The following TBL1X variants were observed in gnomAD, a reference collection of about 807,000 sequenced individuals.
TBL1X encodes the protein F-box-like/WD repeat-containing protein TBL1X.
TBL1X carries 10 observed loss-of-function variants against 50.7 expected under a neutral mutation model. The ratio of observed to expected loss-of-function variants is 0.20; its 90% CI spans 0.12 to 0.33. The LOEUF (loss-of-function observed/expected upper bound fraction) is 0.33. Among genes scored for constraint, TBL1X ranks in the 10% least tolerant of loss-of-function variants. TBL1X has a pLI of 1.00. For synonymous variants in TBL1X, 190 were observed against 214.7 expected, an observed-to-expected ratio of 0.88 and a Z score of 1.01; for missense variants, 340 against 504.4, an observed-to-expected ratio of 0.67 and a Z score of 3.12.
chrX:9,538,618 G>A (rs934845490), intron 2 of TBL1X, among the ~76,000 whole-genome samples: 3 of 112,114 alleles, frequency 2.7e-5, no homozygotes, highest in African/African-American at 6.5e-5. Context: ...ATACTTCCTC[G>A]CTTGTAAAAC....
chrX:9,709,962 C>T (rs990113498), intron 15 of TBL1X, among the ~76,000 whole-genome samples: 3 of 112,591 alleles, frequency 2.7e-5, no homozygotes, highest in Non-Finnish European at 5.6e-5. Context: ...CAGTGGCTTA[C>T]GCCTATAATC....
At chrX:9,509,899 G>C (rs973978157) in intron 2 of TBL1X, among the ~76,000 whole-genome samples, 4 of 111,135 alleles carry the variant, frequency 3.6e-5, no homozygotes, top group Non-Finnish European at 7.5e-5. Flanking sequence ...ACTGTTGGCT[G>C]TGTGTGTGGA....
intron 16 of TBL1X, among the ~76,000 whole-genome samples, chrX:9,712,175 G>A (rs1342030826): frequency 8.9e-6 from 1 of 112,719 alleles, no homozygotes; most frequent in Admixed American, 9.3e-5. Flanking sequence ...TAGATACTGA[G>A]GTTAGAAGGT....
At chrX:9,673,933 G>A (rs951185558) in intron 5 of TBL1X, among the ~76,000 whole-genome samples, 1 of 112,010 alleles carries the variant, frequency 8.9e-6, no homozygotes, top group Non-Finnish European at 1.9e-5. Flanking sequence ...GGGCATAGTG[G>A]TGCATGCCTG....
chrX:9,636,939 G>T (rs2082750837), intron 2 of TBL1X: 1 of 112,231 alleles, frequency 8.9e-6, no homozygotes, highest in Admixed American at 9.4e-5. Flanking sequence ...CATTTGGCTG[G>T]ACCTTTGTAA....
chrX:9,466,001 T>C (rs1046809881), intron 1 of TBL1X, among the ~76,000 whole-genome samples: 10 of 113,104 alleles, frequency 8.8e-5, no homozygotes, highest in African/African-American at 2.9e-4. Flanking sequence ...GGGCCCCGTG[T>C]CTGCTCAGTT....
chrX:9,670,056 G>A (rs1384400113), intron 5 of TBL1X, among the ~76,000 whole-genome samples: 19 of 111,533 alleles, frequency 1.7e-4, no homozygotes, highest in Non-Finnish European at 2.8e-4. Flanking sequence ...CTAATGAAAG[G>A]CTACCAAATT....
At chrX:9,676,364 G>A (rs184989099) in intron 5 of TBL1X, among the ~76,000 whole-genome samples, 2 of 112,025 alleles carry the variant, frequency 1.8e-5, no homozygotes, top group Admixed American at 9.4e-5. Flanking sequence ...GTCCTAGCCC[G>A]CCATTGCCCT....
At chrX:9,596,368 A>T (rs974747158) in intron 2 of TBL1X, among the ~76,000 whole-genome samples, 3 of 112,158 alleles carry the variant, frequency 2.7e-5, no homozygotes, top group African/African-American at 6.5e-5. Flanking sequence ...GGGGTCAGCA[A>T]AATTGGCCAT....
intron 2 of TBL1X, among the ~76,000 whole-genome samples, chrX:9,594,499 G>A (rs1386074757): frequency 4.5e-5 from 5 of 111,862 alleles, no homozygotes; most frequent in Non-Finnish European, 9.4e-5. Context: ...GCTCCCTCCC[G>A]TCTTGGTTTT....
chrX:9,655,730 G>A (rs1569088365), intron 5 of TBL1X, among the ~76,000 whole-genome samples: 1 of 112,033 alleles, frequency 8.9e-6, no homozygotes, highest in African/African-American at 3.2e-5. Context: ...GCATGTATTC[G>A]ATTGGAGGGA....
rs1390970870 is a variant in TBL1X, at chrX:9,719,532, C to T, written c.*3286C>T. ...GTTTTTATTGTCTGTGTCAGACGTA[C>T]AGCCAGACATGTTCTCTATTGGCAT... On this transcript the variant is annotated 3_prime_UTR_variant, in exon 18 of 18. Coordinates refer to ENST00000645353, the MANE Select transcript of TBL1X (RefSeq NM_005647.4). 1 of 111,510 alleles carries T rather than the reference C, an allele frequency of 9.0e-6. No homozygotes were observed. Among genetic ancestry groups the T allele is most frequent in the East Asian group, 2.8e-4 (1 of 3,563 alleles). 9.2% of individuals were successfully genotyped at this position (111,510 alleles called of 1,213,427 possible). A position where few individuals can be genotyped will look rare whatever the true frequency, so the allele number is the denominator to read the frequency against.
At chrX:9,488,614 C>T (rs191133426) in intron 1 of TBL1X, among the ~76,000 whole-genome samples, 7 of 111,957 alleles carry the variant, frequency 6.3e-5, no homozygotes, top group Non-Finnish European at 1.1e-4. Context: ...AACATATTCT[C>T]AGGTCCCAGG....
At chrX:9,467,033 TTCTC>T (rs754757248) in intron 1 of TBL1X, among the ~76,000 whole-genome samples, 12 of 112,153 alleles carry the variant, frequency 1.1e-4, no homozygotes, top group East Asian at 2.8e-4. Context: ...CTCAGAGAAC[TTCTC>T]TCTGTCAGTG....
chrX:9,653,967 C>T (rs1012760273), intron 4 of TBL1X, among the ~76,000 whole-genome samples: 17 of 111,631 alleles, frequency 1.5e-4, no homozygotes, highest in African/African-American at 4.9e-4. Flanking sequence ...GGTTTTTGCT[C>T]AATTCTTCCC....
At position 9,709,295 on chromosome X, in the gene TBL1X, A is replaced by G. The variant is rs375674907; in HGVS notation, c.1284A>G (p.Ala428=). ...GGGATCCGTCTGGAATGTTGCTGGC[A>G]TCCTGCTCGGATGACATGACATTGA... ...IKWDPSGMLL[A]SCSDDMTLKI... is the part of the protein sequence containing the mutation. Residue 428 remains alanine (A), a synonymous_variant, in exon 14 of 18, where the codon GCA becomes GCG. Coordinates refer to ENST00000645353, the MANE Select transcript of TBL1X (RefSeq NM_005647.4). 275 of 1,210,210 alleles carry G rather than the reference A, an allele frequency of 2.3e-4. No homozygotes were observed. Among genetic ancestry groups the G allele is most frequent in the Non-Finnish European group, 2.9e-4 (260 of 895,267 alleles).
intron 2 of TBL1X, among the ~76,000 whole-genome samples, chrX:9,572,787 T>C (rs894584785): frequency 6.2e-5 from 7 of 112,747 alleles, no homozygotes; most frequent in African/African-American, 3.2e-5. Flanking sequence ...AACAAAGCCC[T>C]TCCGATTGCA....
At chrX:9,523,372 TG>T (rs2082115841) in intron 2 of TBL1X, among the ~76,000 whole-genome samples, 1 of 111,853 alleles carries the variant, frequency 8.9e-6, no homozygotes, top group South Asian at 3.8e-4. Context: ...TGCCACAACC[TG>T]GGGTGCCCCT....
At chrX:9,489,282 G>A (rs1292527825) in intron 1 of TBL1X, among the ~76,000 whole-genome samples, 1 of 110,820 alleles carries the variant, frequency 9.0e-6, no homozygotes, top group Non-Finnish European at 1.9e-5. Context: ...TGAATCAAGA[G>A]CCCCTGGGTT....
Sources: allele counts gnomAD v4.1 joint callset (sites outside exome capture counted in the v4.1 genomes callset), GRCh38; gene constraint gnomAD v4.1.1; transcripts MANE v1.5; gene names NCBI Gene and HGNC (gene_info 2026-07-23, HGNC 2026-07-21).